COL4A3: variants seen among roughly 807,000 people sequenced by gnomAD.
COL4A3 encodes the protein collagen alpha-3(IV) chain.
A neutral mutation model predicts 217.4 loss-of-function variants in COL4A3; 135 were observed. The observed-to-expected ratio is 0.62, with a 90% CI of 0.54 to 0.72. The LOEUF (loss-of-function observed/expected upper bound fraction) is 0.72, where lower values mean the gene tolerates loss of function less well. Ranked by LOEUF, COL4A3 falls within the 30% of genes least tolerant of loss-of-function variation. The pLI is 0.00. For synonymous variants in COL4A3, 690 were observed against 736.3 expected, an observed-to-expected ratio of 0.94 and a Z score of 1.02; for missense variants, 1,868 against 2,119.9, an observed-to-expected ratio of 0.88 and a Z score of 2.33.
rs1239459303 is a variant in COL4A3 at position 227,191,063 on chromosome 2, A to G, written c.87+26250A>G. Among the ~76,000 whole-genome samples the G allele has an allele frequency of 2.6e-5, 4 of 152,200 alleles. No individual in the cohort carries two copies. Among genetic ancestry groups the G allele is most frequent in the South Asian group, 2.1e-4 (1 of 4,834 alleles). The stretch of plus-strand genomic sequence containing the variant: ...ATAGATGCAAAGGTTATTATATATG[A>G]AATTTTATGTCTTTTTTCTCTTAAA... On this transcript the variant is annotated intron_variant, in intron 1 of 51. Coordinates refer to ENST00000396578, the MANE Select transcript of COL4A3 (RefSeq NM_000091.5). The surrounding 1 kb of genome is among the most constrained non-coding windows in gnomAD (Gnocchi z 6.8).
chr2:227,302,381 T>C (rs1037359943), intron 43 of COL4A3, among the ~76,000 whole-genome samples: 2 of 152,146 alleles, frequency 1.3e-5, no homozygotes, highest in African/African-American at 4.8e-5. Context: ...ATACAGATTA[T>C]AATTTTCATT....
At chr2:227,200,787 GT>G (rs2066655037) in intron 1 of COL4A3, among the ~76,000 whole-genome samples, 2 of 152,124 alleles carry the variant, frequency 1.3e-5, no homozygotes, top group South Asian at 4.1e-4. Flanking sequence ...TTACATTAAA[GT>G]TTATGGCTTC....
In COL4A3 at chr2:227,256,035, G is replaced by A. The variant is rs772708743; in HGVS notation, c.898G>A (p.Gly300Arg). 2.0e-5 allele frequency: 33 copies of A among 1,613,906 alleles called. No individual in the cohort carries two copies. Among genetic ancestry groups the A allele is most frequent in the South Asian group, 7.7e-5 (7 of 91,074 alleles). Residue 300 changes from glycine (G) to arginine (R), a missense_variant, in exon 16 of 52, where the codon GGA (glycine) becomes AGA (arginine). By Grantham distance (125) the Gly-to-Arg change is moderately radical (BLOSUM62 -2). This residue lies in a region of COL4A3 where 1,503 missense variants were observed against 1,786.1 expected (regional missense o/e 0.84). Transcript: ENST00000396578. ...PGDPGLQGKP[G>R]KDGVPGFPGS... The stretch of plus-strand genomic sequence containing the variant: ...TTTGTTTTTGCTGTAGGGAAAACCC[G>A]GAAAAGATGGTGTTCCTGGCTTCCC...
intron 25 of COL4A3, among the ~76,000 whole-genome samples, chr2:227,272,731 A>G: frequency 6.6e-6 from 1 of 152,266 alleles, no homozygotes; most frequent in East Asian, 1.9e-4. Context: ...GACTCAAGAC[A>G]GTTCCAAGTT....
intron 48 of COL4A3, 100 bp from the exon 49 acceptor site, chr2:227,308,799 C>A: frequency 8.0e-7 from 1 of 1,248,524 alleles, no homozygotes; most frequent in Non-Finnish European, 1.2e-6. Flanking sequence ...CTTTGTCCAG[C>A]TTTTGCTGCA....
intron 41 of COL4A3, among the ~76,000 whole-genome samples, chr2:227,296,715 A>G (rs2073043068): frequency 6.6e-6 from 1 of 152,228 alleles, no homozygotes; most frequent in African/African-American, 2.4e-5. Flanking sequence ...TTCTTTTAAA[A>G]GCATAAATTA....
intron 7 of COL4A3, 117 bp from the exon 8 acceptor site, chr2:227,247,441 C>A: frequency 1.1e-6 from 1 of 913,856 alleles, no homozygotes. Context: ...CTTTGTAAGG[C>A]CGTGGGAGGT....
At chr2:227,285,494 G>T (rs1214602869) in intron 34 of COL4A3, among the ~76,000 whole-genome samples, 1 of 150,816 alleles carries the variant, frequency 6.6e-6, no homozygotes, top group Admixed American at 6.6e-5. Context: ...ATAAAACTCT[G>T]CTAGGACTAG....
chr2:227,248,623 C>G, intron 9 of COL4A3, 103 bp downstream of exon 9: 1 of 768,792 alleles, frequency 1.3e-6, no homozygotes, highest in Non-Finnish European at 2.3e-6. Flanking sequence ...ATAAGTCCCT[C>G]TCACTCTCTT....
rs2070892591 is a variant in COL4A3, at chr2:227,266,408, T to A, written c.1316-9T>A. ...ATAAAAAATTGTCTTTGGTGCTGTA[T>A]TTTTATAGGTGACATCGTTTTTCGC... On this transcript the variant is annotated splice_polypyrimidine_tract_variant and intron_variant, in intron 21 of 51. Transcript: ENST00000396578. 1 of 1,611,104 alleles carries A rather than the reference T, an allele frequency of 6.2e-7. No individual in the cohort carries two copies. The highest frequency in any genetic ancestry group is 1.7e-5 in the Admixed American group (1 of 60,006).
At chr2:227,177,147 CTTTTTTT>C (rs200452419) in intron 1 of COL4A3, among the ~76,000 whole-genome samples, 6 of 137,750 alleles carry the variant, frequency 4.4e-5, no homozygotes, top group Admixed American at 1.5e-4. Flanking sequence ...TTTTTCTTTC[CTTTTTTT>C]TTTTTTTTTT....
In COL4A3 at chr2:227,266,998, C is replaced by T. The variant is rs1374913023; in HGVS notation, c.1414C>T (p.Pro472Ser). ...IPGVDGPKGE[P>S]GLLCTQCPYI... ...CTAGTATGCTCTCATTGCAGGAGAA[C>T]CAGGCCTCCTGTGTACACAGTGCCC... Residue 472 changes from proline (P) to serine (S), a missense_variant, in exon 23 of 52, where the codon CCA becomes TCA. This residue lies in a region of COL4A3 where 1,503 missense variants were observed against 1,786.1 expected (regional missense o/e 0.84). Transcript: ENST00000396578. The T allele has an allele frequency of 6.2e-7, 1 of 1,612,864 alleles. No homozygotes were observed. The highest frequency in any genetic ancestry group is 8.5e-7 in the Non-Finnish European group (1 of 1,178,926).
intron 3 of COL4A3, among the ~76,000 whole-genome samples, chr2:227,240,508 T>C (rs1268048962): frequency 6.6e-6 from 1 of 152,148 alleles, no homozygotes; most frequent in Non-Finnish European, 1.5e-5. Context: ...CCTCTATTCC[T>C]CCTACAGTGA....
intron 1 of COL4A3, among the ~76,000 whole-genome samples, chr2:227,184,638 C>G (rs934144679): frequency 2.0e-5 from 3 of 152,042 alleles, no homozygotes; most frequent in African/African-American, 7.3e-5. Flanking sequence ...TTTCCTTTTC[C>G]ACCAGCAATA....
In COL4A3 at chr2:227,282,255, G is replaced by C. The variant is rs998094872; in HGVS notation, c.2489-110G>C. On this transcript the variant is annotated intron_variant, in intron 31 of 51. Coordinates refer to ENST00000396578, the MANE Select transcript of COL4A3 (RefSeq NM_000091.5). This position sits in a 1 kb window ranked among gnomAD's most constrained non-coding sequence, Gnocchi z 4.4. The stretch of plus-strand genomic sequence containing the variant: ...CCACTGCAATCCAGCCTAGAAGACA[G>C]AGGGAGATTCCATCTTAAAAATATA... 4.3e-6 allele frequency: 2 copies of C among 461,420 alleles called. No homozygotes were observed. The highest frequency in any genetic ancestry group is 6.3e-6 in the Non-Finnish European group (2 of 318,186). The allele number at this position is 461,420 out of a possible 1,614,324, so 28.6% of individuals were successfully genotyped here. A position where few individuals can be genotyped will look rare whatever the true frequency, so the allele number is the denominator to read the frequency against.
At chr2:227,254,017 C>A in intron 13 of COL4A3, 95 bp from the exon 14 acceptor site, 1 of 1,154,628 alleles carries the variant, frequency 8.7e-7, no homozygotes. Context: ...TTTGTAAACC[C>A]AGTTTATTGA....
In COL4A3 at chr2:227,191,774, C is replaced by T. The variant is rs2066252881; in HGVS notation, c.87+26961C>T. On this transcript the variant is annotated intron_variant, in intron 1 of 51. Coordinates refer to ENST00000396578, the MANE Select transcript of COL4A3 (RefSeq NM_000091.5). This position sits in a 1 kb window ranked among gnomAD's most constrained non-coding sequence, Gnocchi z 6.8. ...TTTCTTATTTTTGTAATTATGAAGGCTAAAAATAAAGATTTTTTTCATAAT... is the reference window on the plus strand; with the variant it reads ...TTTCTTATTTTTGTAATTATGAAGGTTAAAAATAAAGATTTTTTTCATAAT... 6.6e-6 allele frequency among the ~76,000 whole-genome samples: 1 copy of T among 152,004 alleles called. No homozygotes were observed. Among genetic ancestry groups the T allele is most frequent in the South Asian group, 2.1e-4 (1 of 4,818 alleles).
chr2:227,229,923 C>T (rs1006827080), intron 1 of COL4A3, among the ~76,000 whole-genome samples: 14 of 151,666 alleles, frequency 9.2e-5, no homozygotes, highest in East Asian at 1.9e-4. Context: ...TGGTGGTGGG[C>T]GCCTATAGTC....
intron 1 of COL4A3, among the ~76,000 whole-genome samples, chr2:227,202,821 A>ATACGTG (rs2066766288): frequency 8.6e-6 from 1 of 116,790 alleles, no homozygotes; most frequent in Non-Finnish European, 1.8e-5. Context: ...ATATATACAT[A>ATACGTG]TATGTGTATC....
Sources: gnomAD v4.1 joint callset for allele counts (sites outside exome capture counted in the v4.1 genomes callset) on GRCh38, gnomAD v4.1.1 for gene constraint, gnomAD v4.1.1 regional missense constraint, Gnocchi (gnomAD v3.1) non-coding constraint, MANE v1.5 for transcripts, NCBI Gene and HGNC (gene_info 2026-07-23, HGNC 2026-07-21) for gene names.